Variants in ZBED6 observed in about 807,000 individuals in gnomAD.
ZBED6 encodes zinc finger BED-type containing 6, also known as zinc finger BED domain-containing protein 6.
In ZBED6, 40 loss-of-function variants were observed where a neutral mutation model predicts 58.4. That is an observed-to-expected ratio of 0.68 (90% CI 0.53 to 0.89). The LOEUF (loss-of-function observed/expected upper bound fraction) is 0.89. Ranked by LOEUF, ZBED6 falls within the 40% of genes least tolerant of loss-of-function variation. The pLI is 0.00. For missense variants in ZBED6, 1,057 were observed against 1,003.9 expected (o/e 1.05, Z -0.71); for synonymous variants, 439 against 350.6 (o/e 1.25, Z -2.82).
At chr1:203,821,637 T>C (rs1297113129) in intron 3 of ZBED6, among the ~76,000 whole-genome samples, 1 of 152,186 alleles carries the variant, frequency 6.6e-6, no homozygotes, top group East Asian at 1.9e-4. Flanking sequence ...TAATGGTATA[T>C]AGAAGTTAAG....
Position 203,828,495 on chromosome 1 carries a change from C to G in ZBED6, c.*2997+73C>G. Reference sequence around the variant, plus strand: ...ATGCACACTGTACAACAGTACTTTTCAGACATTGACTCCTTTCAGTCTTGT... The same window carrying G: ...ATGCACACTGTACAACAGTACTTTTGAGACATTGACTCCTTTCAGTCTTGT... On this transcript the variant is annotated intron_variant, in intron 4 of 16. Transcript: ENST00000550078. 4.7e-6 allele frequency: 7 copies of G among 1,505,358 alleles called. No individual in the cohort carries two copies. The South Asian group carries it at 8.6e-5, about 19-fold the overall frequency. The allele number at this position is 1,505,358 out of a possible 1,614,324, so 93.3% of individuals were successfully genotyped here.
rs190331285 is a variant in ZBED6, at chr1:203,830,577, C to A, written c.*3399+374C>A. Among the ~76,000 whole-genome samples, 848 of 152,202 alleles carry A rather than the reference C, an allele frequency of 5.6e-3. 5 individuals carry two copies. The highest frequency in any genetic ancestry group is 9.1e-3 in the Non-Finnish European group (618 of 68,022). On this transcript the variant is annotated intron_variant, in intron 7 of 16. Coordinates refer to ENST00000550078, the Ensembl canonical transcript of ZBED6. ...CCTGTAATCCCAGCACTTTGGGAGG[C>A]CGAGGAGGGCGAATCATGAGGTTGG... is the stretch of plus-strand genomic sequence containing the variant.
chr1:203,849,652 C>T (rs1441311941), intron 13 of ZBED6, 59 bp from the exon 14 acceptor site: 9 of 1,505,820 alleles, frequency 6.0e-6, no homozygotes, highest in African/African-American at 4.1e-5. Flanking sequence ...CTGGTACTTA[C>T]ATCATACAGG....
At chr1:203,801,399 G>C in exon 1 of ZBED6, 1 of 152,110 alleles carries the variant, frequency 6.6e-6, no homozygotes, top group Admixed American at 6.5e-5. Context: ...TATGTGTTAG[G>C]AATCATTGGT....
At chr1:203,843,901 A>C (rs1468731581) in intron 11 of ZBED6, among the ~76,000 whole-genome samples, 1 of 151,360 alleles carries the variant, frequency 6.6e-6, no homozygotes, top group Non-Finnish European at 1.5e-5. Context: ...CTTGTTGCCC[A>C]GTCTGGAGTG....
rs563864350 is a variant in ZBED6, at chr1:203,811,423, T to G, written c.*2555-5503T>G. Among the ~76,000 whole-genome samples, 3 of 152,388 alleles carry G rather than the reference T, an allele frequency of 2.0e-5. No homozygotes were observed. The South Asian group carries it at 6.2e-4, about 32-fold the overall frequency. ...GTTTCAATTACTTTGTTGCTGGTCT[T>G]TCTAAAACCGGTAACAGTTTCAAAT... On this transcript the variant is annotated intron_variant, in intron 1 of 16. Transcript: ENST00000550078.
At chr1:203,815,978 G>A (rs1572047985) in intron 1 of ZBED6, among the ~76,000 whole-genome samples, 2 of 152,300 alleles carry the variant, frequency 1.3e-5, no homozygotes, top group African/African-American at 2.4e-5. Context: ...ATTATGGAAA[G>A]CCCCAAAGAC....
chr1:203,803,673 A>T (rs6662927), intron 1 of ZBED6, among the ~76,000 whole-genome samples: 4 of 151,808 alleles, frequency 2.6e-5, no homozygotes, highest in Admixed American at 2.6e-4. Context: ...TGGCATGATC[A>T]TAGCTCACTG....
chr1:203,805,135 C>T lies in ZBED6; in HGVS notation c.*2554+2119C>T, dbSNP rs1671860115. ...AGAATCAAAATACCCACTTCTGATA[C>T]AGTAGTGATTTTTTTTTTTTTTTTT... On this transcript the variant is annotated intron_variant, in intron 1 of 16. Coordinates refer to ENST00000550078, the Ensembl canonical transcript of ZBED6. 2.2e-5 allele frequency among the ~76,000 whole-genome samples: 3 copies of T among 134,458 alleles called. No homozygotes were observed. The Admixed American group carries it at 2.5e-4, about 11-fold the overall frequency. 88.2% of individuals were successfully genotyped at this position (134,458 alleles called of 152,430 possible).
At chr1:203,851,060 G>A in exon 16 of ZBED6, 1 of 1,614,138 alleles carries the variant, frequency 6.2e-7, no homozygotes, top group South Asian at 1.1e-5. Context: ...TTTGTAGGCT[G>A]TTGTCCCGCT....
chr1:203,834,436 T>A (rs556617507), intron 9 of ZBED6, among the ~76,000 whole-genome samples: 5 of 152,078 alleles, frequency 3.3e-5, no homozygotes, highest in Admixed American at 3.3e-4. Flanking sequence ...CATACCTGGC[T>A]AATTTTTGTA....
intron 3 of ZBED6, 137 bp from the exon 4 acceptor site, chr1:203,828,162 C>G: frequency 4.2e-6 from 4 of 948,402 alleles, no homozygotes; most frequent in Non-Finnish European, 4.8e-6. Context: ...AGCAATCTCT[C>G]TTCCTTCTAA....
chr1:203,852,270 T>C, exon 17 of ZBED6: 1 of 1,613,674 alleles, frequency 6.2e-7, no homozygotes, highest in Non-Finnish European at 8.5e-7. Flanking sequence ...CCCCACTCTC[T>C]GTGGAGGATG....
chr1:203,828,473 C>T (rs1376551682), intron 4 of ZBED6, 51 bp downstream of exon 4: 6 of 1,554,770 alleles, frequency 3.9e-6, no homozygotes, highest in Non-Finnish European at 5.2e-6. Context: ...ACCTATTATG[C>T]ACACTGTACA....
At chr1:203,817,148 A>G in intron 2 of ZBED6, 24 bp downstream of exon 2, 1 of 1,571,060 alleles carries the variant, frequency 6.4e-7, no homozygotes, top group South Asian at 1.2e-5. Flanking sequence ...TCTTTAAATC[A>G]GTTCTTTCTA....
chr1:203,831,637 T>C (rs1682417762), intron 7 of ZBED6, 24 bp from the exon 8 acceptor site: 1 of 1,590,928 alleles, frequency 6.3e-7, no homozygotes, highest in Non-Finnish European at 8.6e-7. Flanking sequence ...AATTATTTGC[T>C]GTTCTTTGAC....
exon 1 of ZBED6, chr1:203,797,763 C>T (rs1435737047): frequency 1.3e-6 from 2 of 1,535,570 alleles, no homozygotes; most frequent in East Asian, 2.4e-5. Flanking sequence ...AAAATTGATT[C>T]TTGCCAAAAA....
chr1:203,804,309 G>T (rs1295656148), intron 1 of ZBED6, among the ~76,000 whole-genome samples: 1 of 151,850 alleles, frequency 6.6e-6, no homozygotes, highest in East Asian at 1.9e-4. Flanking sequence ...CCGCCACCTC[G>T]CCTGGCTAAC....
At chr1:203,816,128 A>G (rs1396755828) in intron 1 of ZBED6, among the ~76,000 whole-genome samples, 1 of 152,200 alleles carries the variant, frequency 6.6e-6, no homozygotes, top group Non-Finnish European at 1.5e-5. Flanking sequence ...AGTTATGATT[A>G]TATACTTTTG....
Sources: allele counts gnomAD v4.1 joint callset (sites outside exome capture counted in the v4.1 genomes callset), GRCh38; gene constraint gnomAD v4.1.1; transcripts MANE v1.5; gene names NCBI Gene and HGNC (gene_info 2026-07-23, HGNC 2026-07-21).